Variants in MAGI3 observed in about 807,000 individuals in gnomAD.
MAGI3 encodes membrane-associated guanylate kinase, WW and PDZ domain-containing protein 3.
Under a neutral mutation model 121.8 loss-of-function variants are expected in MAGI3, and 43 were observed. The ratio of observed to expected loss-of-function variants is 0.35; its 90% CI spans 0.28 to 0.46. MAGI3 has a LOEUF of 0.46. Among genes scored for constraint, MAGI3 ranks in the 20% least tolerant of loss-of-function variants. MAGI3 has a pLI of 1.00. For missense variants in MAGI3, 1,547 were observed against 1,797.3 expected (o/e 0.86, Z 2.52); for synonymous variants, 553 against 639.3 (o/e 0.86, Z 2.04).
intron 1 of MAGI3, among the ~76,000 whole-genome samples, chr1:113,471,002 G>A (rs183923977): frequency 1.3e-5 from 2 of 152,156 alleles, no homozygotes; most frequent in African/African-American, 4.8e-5. Context: ...CCAGACCAAT[G>A]TAAAAAAGCT....
Position 113,391,063 on chromosome 1 carries a change from C to T in MAGI3, c.30C>T (p.His10=), listed in dbSNP as rs1479826128. 1.9e-6 allele frequency: 3 copies of T among 1,591,722 alleles called. No homozygotes were observed. In the African/African-American group the frequency reaches 4.0e-5, roughly 21 times the overall value. The change falls in exon 1 of 21, where the codon CAC becomes CAT. Residue 10 remains histidine, a synonymous_variant. Transcript: ENST00000307546. The surrounding 1 kb of genome is among the most constrained non-coding windows in gnomAD (Gnocchi z 4.4). ...CGAAGACGCTGAAGAAGAAGAAGCACTGGCTCAGCAAGGTGCAGGAGTGCG... is the reference window on the plus strand; with the variant it reads ...CGAAGACGCTGAAGAAGAAGAAGCATTGGCTCAGCAAGGTGCAGGAGTGCG... MSKTLKKKK[H]WLSKVQECAV...
chr1:113,423,241 T>C (rs201440708), intron 1 of MAGI3, among the ~76,000 whole-genome samples: 3 of 101,370 alleles, frequency 3.0e-5, no homozygotes. Flanking sequence ...TCCTGGTAAG[T>C]ATTCGTTTTT....
chr1:113,421,032 CTG>C (rs1351214512), intron 1 of MAGI3, among the ~76,000 whole-genome samples: 1 of 151,544 alleles, frequency 6.6e-6, no homozygotes, highest in Non-Finnish European at 1.5e-5. Context: ...AGAGGGCTAA[CTG>C]TATTTTTTTC....
At chr1:113,598,362 T>G (rs1423557657) in intron 6 of MAGI3, among the ~76,000 whole-genome samples, 2 of 152,168 alleles carry the variant, frequency 1.3e-5, no homozygotes, top group East Asian at 1.9e-4. Context: ...ATGGTCTAAG[T>G]GCTCACTTGA....
chr1:113,451,591 T>C (rs1015729444), intron 1 of MAGI3, among the ~76,000 whole-genome samples: 1 of 152,308 alleles, frequency 6.6e-6, no homozygotes, highest in East Asian at 1.9e-4. Context: ...TTGAGACTTT[T>C]GTTCCTTATA....
rs954265398 is a variant in MAGI3 at position 113,685,565 on chromosome 1, T to C, written c.*1551T>C. On this transcript the variant is annotated 3_prime_UTR_variant, in exon 21 of 21. Coordinates refer to ENST00000307546, the MANE Select transcript of MAGI3 (RefSeq NM_001142782.2). ...ATCCAGAACTATATTTACCCACCTATTGTAACTATTCAAATAGAGCAAAAT... is the reference window on the plus strand; with the variant it reads ...ATCCAGAACTATATTTACCCACCTACTGTAACTATTCAAATAGAGCAAAAT... 1.3e-5 allele frequency: 2 copies of C among 152,326 alleles called. No homozygotes were observed. The highest frequency in any genetic ancestry group is 1.9e-4 in the East Asian group (1 of 5,328). 9.4% of individuals were successfully genotyped at this position (152,326 alleles called of 1,614,324 possible).
intron 1 of MAGI3, among the ~76,000 whole-genome samples, chr1:113,476,652 A>G (rs1655836254): frequency 6.6e-6 from 1 of 152,152 alleles, no homozygotes; most frequent in South Asian, 2.1e-4. Context: ...TTATGTGGTC[A>G]GTTTTAGAAT....
At position 113,569,050 on chromosome 1, in the gene MAGI3, A is replaced by G. The variant is rs1328356524; in HGVS notation, c.434-11492A>G. Among the ~76,000 whole-genome samples the G allele has an allele frequency of 3.9e-5, 6 of 152,286 alleles. No individual in the cohort carries two copies. In the East Asian group the frequency reaches 1.2e-3, roughly 29 times the overall value. ...CTCTACATTTATTTCTGCAGTACAA[A>G]AAAGTTTACATGTGATTGGCACATA... On this transcript the variant is annotated intron_variant, in intron 2 of 20. Coordinates refer to ENST00000307546, the MANE Select transcript of MAGI3 (RefSeq NM_001142782.2).
Position 113,682,905 on chromosome 1 carries a change from G to T in MAGI3, c.3337G>T (p.Asp1113Tyr). The T allele has an allele frequency of 1.9e-6, 3 of 1,573,278 alleles. No individual in the cohort carries two copies. The highest frequency in any genetic ancestry group is 2.6e-6 in the Non-Finnish European group (3 of 1,164,164). The change falls in exon 21 of 21, where the codon GAT (aspartate) becomes TAT (tyrosine). Residue 1113 changes from aspartate (D) to tyrosine (Y), a missense_variant. By Grantham distance (160) the Asp-to-Tyr change is radical. Transcript: ENST00000307546. ...TGLIPDHGDW[D>Y]INNPSSSNVI... ...TCAAATCACTTTTTTAGGTGATTGG[G>T]ATATTAATAATCCTTCGTCTTCAAA... is the stretch of plus-strand genomic sequence containing the variant.
rs899001179 is a variant in MAGI3 at position 113,453,655 on chromosome 1, G to A, written c.316+62306G>A. On this transcript the variant is annotated intron_variant, in intron 1 of 20. Coordinates refer to ENST00000307546, the MANE Select transcript of MAGI3 (RefSeq NM_001142782.2). ...CAGCTGCATGTTTTAAACAGGAAAT[G>A]TAGAGCTAGCCCTTACATAGTGGAG... Among the ~76,000 whole-genome samples, 2 of 152,214 alleles carry A rather than the reference G, an allele frequency of 1.3e-5. 1 individual carries two copies. Among genetic ancestry groups the A allele is most frequent in the Non-Finnish European group, 2.9e-5 (2 of 68,036 alleles).
chr1:113,580,812 G>A lies in MAGI3; in HGVS notation c.553+151G>A, dbSNP rs992615719. ...AAATTTTCTTTTGATGGGGAGATTT[G>A]TAATTTATTAATTAAAATGGGATTA... On this transcript the variant is annotated intron_variant, in intron 3 of 20. Coordinates refer to ENST00000307546, the MANE Select transcript of MAGI3 (RefSeq NM_001142782.2). 17 of 539,920 alleles carry A rather than the reference G, an allele frequency of 3.1e-5. No homozygotes were observed. The South Asian group carries it at 7.3e-4, about 23-fold the overall frequency. 33.4% of individuals were successfully genotyped at this position (539,920 alleles called of 1,614,324 possible). A position where few individuals can be genotyped will look rare whatever the true frequency, so the allele number is the denominator to read the frequency against.
chr1:113,468,313 C>G (rs555298394), intron 1 of MAGI3, among the ~76,000 whole-genome samples: 1 of 152,002 alleles, frequency 6.6e-6, no homozygotes, highest in South Asian at 2.1e-4. Context: ...TGGTTATTTT[C>G]TTTGGTAGAA....
chr1:113,659,565 A>G (rs1396645480), intron 16 of MAGI3, among the ~76,000 whole-genome samples: 1 of 152,196 alleles, frequency 6.6e-6, no homozygotes, highest in Non-Finnish European at 1.5e-5. Flanking sequence ...TTATTTTCTT[A>G]AAATAATGTC....
At chr1:113,485,349 T>G (rs1656335086) in intron 1 of MAGI3, among the ~76,000 whole-genome samples, 1 of 152,220 alleles carries the variant, frequency 6.6e-6, no homozygotes. Context: ...ATTATGGCCA[T>G]TCTTTCAGGA....
At chr1:113,586,846 TC>T (rs1648392309) in intron 4 of MAGI3, among the ~76,000 whole-genome samples, 1 of 152,190 alleles carries the variant, frequency 6.6e-6, no homozygotes, top group Non-Finnish European at 1.5e-5. Context: ...TCACTGCAGT[TC>T]TTTTAGCGGT....
chr1:113,657,901 G>C (rs1653569308), intron 15 of MAGI3, among the ~76,000 whole-genome samples: 1 of 152,176 alleles, frequency 6.6e-6, no homozygotes, highest in African/African-American at 2.4e-5. Flanking sequence ...AGAAGAGCCA[G>C]GGCACTGTCT....
intron 1 of MAGI3, among the ~76,000 whole-genome samples, chr1:113,468,037 A>C (rs749909128): frequency 8.5e-5 from 13 of 152,066 alleles, no homozygotes; most frequent in Non-Finnish European, 1.3e-4. Flanking sequence ...AAGTATAGCT[A>C]TTCTTGTTCT....
intron 2 of MAGI3, among the ~76,000 whole-genome samples, chr1:113,556,823 C>G (rs2101680840): frequency 1.3e-5 from 2 of 152,138 alleles, no homozygotes; most frequent in Non-Finnish European, 2.9e-5. Flanking sequence ...GCCTTGGCCT[C>G]CCAAAGTGTT....
intron 1 of MAGI3, among the ~76,000 whole-genome samples, chr1:113,453,052 C>A (rs936671376): frequency 6.6e-6 from 1 of 152,088 alleles, no homozygotes; most frequent in Non-Finnish European, 1.5e-5. Context: ...AGTATATAAG[C>A]ACATATGTTA....
Sources: gnomAD v4.1 joint callset for allele counts (sites outside exome capture counted in the v4.1 genomes callset) on GRCh38, gnomAD v4.1.1 for gene constraint, Gnocchi (gnomAD v3.1) non-coding constraint, MANE v1.5 for transcripts, NCBI Gene and HGNC (gene_info 2026-07-23, HGNC 2026-07-21) for gene names.